The following ITPK1 variants were observed in gnomAD, a reference collection of about 807,000 sequenced individuals.
ITPK1 encodes the protein inositol 1,3,4-trisphosphate 5/6-kinase.
Under a neutral mutation model 45.3 loss-of-function variants are expected in ITPK1, and 21 were observed. The observed-to-expected ratio is 0.46, with a 90% CI of 0.33 to 0.67. The LOEUF (loss-of-function observed/expected upper bound fraction) is 0.67. ITPK1 is among the 30% of genes least tolerant of loss of function. ITPK1 has a pLI of 0.02. For missense variants in ITPK1, 474 were observed against 573.5 expected (o/e 0.83, Z 1.77); for synonymous variants, 258 against 253.6 (o/e 1.02, Z -0.16).
At position 93,037,235 on chromosome 14, in the gene ITPK1, G is replaced by A. The variant is rs565934696; in HGVS notation, c.121-20434C>T. Among the ~76,000 whole-genome samples, 7 of 152,336 alleles carry A rather than the reference G, an allele frequency of 4.6e-5. No individual in the cohort carries two copies. The South Asian group carries it at 1.5e-3, about 32-fold the overall frequency. On this transcript the variant is annotated intron_variant, in intron 3 of 10. Transcript: ENST00000267615. ...CCATGCCCCTTGCATGGTCAACAGG[G>A]CAGTGTTGATAGGAAAAGAGGAGAC...
chr14:92,992,744 G>T (rs74835600), intron 5 of ITPK1, among the ~76,000 whole-genome samples: 1 of 152,268 alleles, frequency 6.6e-6, no homozygotes, highest in Non-Finnish European at 1.5e-5. Flanking sequence ...AGGAATAGGG[G>T]CCGGGGAGCC....
At chr14:93,106,006 C>T (rs1001401238) in intron 2 of ITPK1, among the ~76,000 whole-genome samples, 2 of 152,172 alleles carry the variant, frequency 1.3e-5, no homozygotes, top group Non-Finnish European at 2.9e-5. Context: ...CGCCCATCCC[C>T]TGGTGTCTCT....
chr14:93,044,412 C>T (rs545766052), intron 3 of ITPK1, among the ~76,000 whole-genome samples: 10 of 152,296 alleles, frequency 6.6e-5, no homozygotes, highest in African/African-American at 1.9e-4. Context: ...TTTGTGCTGG[C>T]GATTACTGAG....
intron 4 of ITPK1, among the ~76,000 whole-genome samples, chr14:93,003,066 C>G (rs528780587): frequency 2.6e-5 from 4 of 152,326 alleles, no homozygotes; most frequent in Admixed American, 6.5e-5. Flanking sequence ...GGGGGAAGAG[C>G]GTGTCAGGGC....
At chr14:92,959,397 C>T (rs1028179028) in intron 7 of ITPK1, among the ~76,000 whole-genome samples, 2 of 152,230 alleles carry the variant, frequency 1.3e-5, no homozygotes, top group Non-Finnish European at 2.9e-5. Context: ...TGTCACGGAG[C>T]GCCGGCCCTA....
intron 5 of ITPK1, among the ~76,000 whole-genome samples, chr14:92,989,351 G>A (rs1886661376): frequency 6.6e-6 from 1 of 152,128 alleles, no homozygotes; most frequent in South Asian, 2.1e-4. Flanking sequence ...AAGAAGAACA[G>A]GAGAGCCACC....
chr14:93,033,015 G>C (rs996361431), intron 3 of ITPK1, among the ~76,000 whole-genome samples: 4 of 152,212 alleles, frequency 2.6e-5, no homozygotes, highest in Admixed American at 2.6e-4. Flanking sequence ...AGAGACTCAG[G>C]GTGAAAGCAG....
At chr14:93,106,761 T>C (rs1164929541) in intron 2 of ITPK1, among the ~76,000 whole-genome samples, 1 of 152,150 alleles carries the variant, frequency 6.6e-6, no homozygotes, top group African/African-American at 2.4e-5. Flanking sequence ...AGCACAGGCC[T>C]GGCCAGGGCA....
At chr14:92,963,222 C>T (rs1778863706) in intron 5 of ITPK1, among the ~76,000 whole-genome samples, 1 of 152,244 alleles carries the variant, frequency 6.6e-6, no homozygotes, top group African/African-American at 2.4e-5. Flanking sequence ...TGAATCCTAA[C>T]TTCATAAGCC....
intron 2 of ITPK1, among the ~76,000 whole-genome samples, chr14:93,109,333 C>T (rs139356755): frequency 0.014 from 2,067 of 152,316 alleles, 24 homozygotes; most frequent in Non-Finnish European, 0.02. Flanking sequence ...TGCACGCGCC[C>T]CTGAGTGTGC....
chr14:93,048,235 C>T (rs1318572947), intron 3 of ITPK1, among the ~76,000 whole-genome samples: 1 of 152,256 alleles, frequency 6.6e-6, no homozygotes, highest in Non-Finnish European at 1.5e-5. Context: ...ACTCAAAGCA[C>T]TGGCATCCTT....
intron 3 of ITPK1, chr14:93,072,030 A>C (rs1168983876): frequency 6.6e-6 from 1 of 151,874 alleles, no homozygotes; most frequent in Non-Finnish European, 1.5e-5. Context: ...GCAGTGGTTC[A>C]CGCCTGTAAT....
intron 5 of ITPK1, among the ~76,000 whole-genome samples, chr14:92,982,177 T>C (rs1329617537): frequency 6.6e-6 from 1 of 152,202 alleles, no homozygotes; most frequent in East Asian, 1.9e-4. Flanking sequence ...TATTACTCAG[T>C]GTGGCAGGCA....
chr14:92,940,153 C>G lies in ITPK1; in HGVS notation c.*1408G>C. On this transcript the variant is annotated 3_prime_UTR_variant, in exon 11 of 11. Coordinates refer to ENST00000267615, the MANE Select transcript of ITPK1 (RefSeq NM_014216.6). ...GCCGAAGGACCTCCATGCACTGGCT[C>G]GGGGGCCTCTCTCGGGACACTCAGC... The G allele has an allele frequency of 1.0e-6, 1 of 985,790 alleles. No individual in the cohort carries two copies. The highest frequency in any genetic ancestry group is 1.7e-5 in the African/African-American group (1 of 57,366). 61.1% of individuals were successfully genotyped at this position (985,790 alleles called of 1,614,324 possible).
chr14:92,949,692 C>G (rs1163660330), intron 9 of ITPK1, among the ~76,000 whole-genome samples: 4 of 152,282 alleles, frequency 2.6e-5, no homozygotes, highest in African/African-American at 9.6e-5. Context: ...ACAGGCCCAG[C>G]AGCAAGGGAG....
intron 5 of ITPK1, among the ~76,000 whole-genome samples, chr14:92,978,081 T>C (rs577973241): frequency 1.3e-5 from 2 of 152,058 alleles, no homozygotes; most frequent in East Asian, 3.9e-4. Context: ...CCAGGCTGAG[T>C]AGGTCTCAGA....
At chr14:92,992,666 T>TC (rs1413033610) in intron 5 of ITPK1, among the ~76,000 whole-genome samples, 5 of 152,226 alleles carry the variant, frequency 3.3e-5, no homozygotes, top group Non-Finnish European at 5.9e-5. Flanking sequence ...GCCAGGGTCC[T>TC]CAGTGGTACC....
Position 93,103,099 on chromosome 14 carries a change from CAA to C in ITPK1, c.95+11968_95+11969del, listed in dbSNP as rs71123389. Among the ~76,000 whole-genome samples, 12 of 68,884 alleles carry C rather than the reference CAA, an allele frequency of 1.7e-4. No homozygotes were observed. The East Asian group carries it at 1.9e-3, about 11-fold the overall frequency. 45.2% of individuals were successfully genotyped at this position (68,884 alleles called of 152,430 possible). A position where few individuals can be genotyped will look rare whatever the true frequency, so the allele number is the denominator to read the frequency against. On this transcript the variant is annotated intron_variant, in intron 2 of 10. Transcript: ENST00000267615. ...TGGGCGACAAAGCAAGACTCCATCTCAAAAAAAAAAAAAAAAAAGAAAGAAAG... is the reference window on the plus strand; with the variant it reads ...TGGGCGACAAAGCAAGACTCCATCTCAAAAAAAAAAAAAAAAGAAAGAAAG...
At chr14:93,095,128 G>C (rs1489738362) in intron 2 of ITPK1, among the ~76,000 whole-genome samples, 3 of 152,124 alleles carry the variant, frequency 2.0e-5, no homozygotes, top group African/African-American at 7.2e-5. Flanking sequence ...GGTGCAGGAG[G>C]AACTCGGTGC....
Sources: gnomAD v4.1 joint callset for allele counts (sites outside exome capture counted in the v4.1 genomes callset) on GRCh38, gnomAD v4.1.1 for gene constraint, MANE v1.5 for transcripts, NCBI Gene and HGNC (gene_info 2026-07-23, HGNC 2026-07-21) for gene names.